The following AP3B2 variants were observed in gnomAD, a reference collection of about 807,000 sequenced individuals.
The protein encoded by AP3B2 is adaptor related protein complex 3 subunit beta 2, also known as AP-3 complex subunit beta-2.
In AP3B2, 50 loss-of-function variants were observed where a neutral mutation model predicts 126.9. That is an observed-to-expected ratio of 0.39 (90% CI 0.31 to 0.50). The LOEUF (loss-of-function observed/expected upper bound fraction) is 0.50. Among genes scored for constraint, AP3B2 ranks in the 20% least tolerant of loss-of-function variants. The pLI is 0.79. For synonymous variants in AP3B2, 541 were observed against 565.0 expected (o/e 0.96, Z 0.60); for missense variants, 1,177 against 1,426.4 (o/e 0.83, Z 2.82).
chr15:82,660,796 CCCCGTCT>C (rs931133535), intron 25 of AP3B2, among the ~76,000 whole-genome samples: 1 of 152,194 alleles, frequency 6.6e-6, no homozygotes, highest in African/African-American at 2.4e-5. Flanking sequence ...GTTCAAGTGT[CCCCGTCT>C]CCAAAAAATC....
At position 82,681,236 on chromosome 15, in the gene AP3B2, C is replaced by G; in HGVS notation, c.522-58G>C. 6.4e-7 allele frequency: 1 copy of G among 1,566,406 alleles called. No homozygotes were observed. The highest frequency in any genetic ancestry group is 8.7e-7 in the Non-Finnish European group (1 of 1,152,882). On this transcript the variant is annotated intron_variant, in intron 5 of 26. Coordinates refer to ENST00000535359, the MANE Select transcript of AP3B2 (RefSeq NM_001278512.2). This position sits in a 1 kb window ranked among gnomAD's most constrained non-coding sequence, Gnocchi z 4.0. ...CTCTCAGCCCCAGCCTTCCCAATATCTGTCCAAGCCATGCTCACCTCCTGC... is the reference window on the plus strand; with the variant it reads ...CTCTCAGCCCCAGCCTTCCCAATATGTGTCCAAGCCATGCTCACCTCCTGC...
Position 82,665,560 on chromosome 15 carries a change from TG to T in AP3B2, c.1867del (p.Gln623SerfsTer172). Reference sequence around the variant, plus strand: ...AAGCAGGTGGGACAGTGAGCCCAGCTGGAAGTGGTCCCGGTCTAGGGATAGG... The same window carrying T: ...AAGCAGGTGGGACAGTGAGCCCAGCTGAAGTGGTCCCGGTCTAGGGATAGG... ...ESSFKDRDHF[Q>X]LGSLSHLLNA... On this transcript the variant is annotated frameshift_variant, in exon 16 of 27. Coordinates refer to ENST00000535359, the MANE Select transcript of AP3B2 (RefSeq NM_001278512.2). LOFTEE classifies it high-confidence loss of function. This position sits in a 1 kb window ranked among gnomAD's most constrained non-coding sequence, Gnocchi z 4.4. 1.2e-6 allele frequency: 2 copies of T among 1,613,782 alleles called. No individual in the cohort carries two copies. Among genetic ancestry groups the T allele is most frequent in the Non-Finnish European group, 1.7e-6 (2 of 1,179,768 alleles).
At chr15:82,706,149 C>CA (rs2048792244) in intron 1 of AP3B2, among the ~76,000 whole-genome samples, 1 of 152,178 alleles carries the variant, frequency 6.6e-6, no homozygotes, top group Non-Finnish European at 1.5e-5. Flanking sequence ...CAGAGGCCCT[C>CA]AAAATCACAA....
chr15:82,681,043 G>A lies in AP3B2; in HGVS notation c.589-24C>T. 1 of 1,613,508 alleles carries A rather than the reference G, an allele frequency of 6.2e-7. No individual in the cohort carries two copies. The highest frequency in any genetic ancestry group is 2.2e-5 in the East Asian group (1 of 44,870). Reference sequence around the variant, plus strand: ...AGCTGGGGAAAGAACAAAGACGAGAGGGTGAACGCGAAGGGTGGAAGGCCG... The same window carrying A: ...AGCTGGGGAAAGAACAAAGACGAGAAGGTGAACGCGAAGGGTGGAAGGCCG... On this transcript the variant is annotated intron_variant, in intron 6 of 26. Transcript: ENST00000535359. This position sits in a 1 kb window ranked among gnomAD's most constrained non-coding sequence, Gnocchi z 4.0.
At position 82,665,806 on chromosome 15, in the gene AP3B2, G is replaced by A. The variant is rs1366612790; in HGVS notation, c.1853-231C>T. Among the ~76,000 whole-genome samples, 1 of 152,194 alleles carries A rather than the reference G, an allele frequency of 6.6e-6. No individual in the cohort carries two copies. The highest frequency in any genetic ancestry group is 1.5e-5 in the Non-Finnish European group (1 of 68,024). ...GAGCAGGGACTGAGGGCCAGGGAAA[G>A]GCAGCCTACAGAGGTGGGCAGGAGG... On this transcript the variant is annotated intron_variant, in intron 15 of 26. Coordinates refer to ENST00000535359, the MANE Select transcript of AP3B2 (RefSeq NM_001278512.2). This position sits in a 1 kb window ranked among gnomAD's most constrained non-coding sequence, Gnocchi z 4.4.
intron 1 of AP3B2, chr15:82,692,806 G>A (rs1190850390): frequency 6.6e-6 from 1 of 151,924 alleles, no homozygotes; most frequent in African/African-American, 2.4e-5. Context: ...GATGAATAAA[G>A]ATTTGAGTAA....
At chr15:82,668,980 A>G (rs771194491) in intron 14 of AP3B2, among the ~76,000 whole-genome samples, 2 of 152,248 alleles carry the variant, frequency 1.3e-5, no homozygotes, top group African/African-American at 2.4e-5. Flanking sequence ...ATTGAAATAT[A>G]TCCTCAATTC....
chr15:82,683,052 T>TTG (rs2048369683), intron 4 of AP3B2, among the ~76,000 whole-genome samples: 1 of 74,300 alleles, frequency 1.3e-5, no homozygotes, highest in Non-Finnish European at 2.3e-5. Flanking sequence ...CAGGAGTTTT[T>TTG]TTTTTTTTTT....
chr15:82,676,581 G>T lies in AP3B2; in HGVS notation c.1545C>A (p.Val515=). Reference sequence around the variant, plus strand: ...TTAAGACATCAGGTGCAATCCTGGGGACATGCTCACAGTACTCTCCGATGA... The same window carrying T: ...TTAAGACATCAGGTGCAATCCTGGGTACATGCTCACAGTACTCTCCGATGA... ...LWLIGEYCEH[V]PRIAPDVLRK... The change falls in exon 14 of 27, where the codon GTC becomes GTA. Residue 515 remains valine, a synonymous_variant. Coordinates refer to ENST00000535359, the MANE Select transcript of AP3B2 (RefSeq NM_001278512.2). 2 of 1,614,004 alleles carry T rather than the reference G, an allele frequency of 1.2e-6. No homozygotes were observed. The highest frequency in any genetic ancestry group is 1.7e-6 in the Non-Finnish European group (2 of 1,179,896).
At position 82,677,548 on chromosome 15, in the gene AP3B2, A is replaced by C. The variant is rs547425797; in HGVS notation, c.1378+123T>G. On this transcript the variant is annotated intron_variant, in intron 12 of 26. Coordinates refer to ENST00000535359, the MANE Select transcript of AP3B2 (RefSeq NM_001278512.2). ...GGAACACTTGGGCCCTGATCAAGAC[A>C]GACAGACCAATGGATACACATTGTG... is the stretch of plus-strand genomic sequence containing the variant. The C allele has an allele frequency of 8.5e-5, 121 of 1,415,354 alleles. No homozygotes were observed. In the East Asian group the frequency reaches 2.7e-3, roughly 32 times the overall value. 87.7% of individuals were successfully genotyped at this position (1,415,354 alleles called of 1,614,324 possible). A position where few individuals can be genotyped will look rare whatever the true frequency, so the allele number is the denominator to read the frequency against.
intron 1 of AP3B2, chr15:82,692,184 T>A: frequency 6.9e-7 from 1 of 1,450,720 alleles, no homozygotes. Flanking sequence ...ATAAATAGCA[T>A]CCTCTGCATC....
At chr15:82,663,424 C>G in intron 21 of AP3B2, 136 bp downstream of exon 21, 1 of 1,145,194 alleles carries the variant, frequency 8.7e-7, no homozygotes, top group Non-Finnish European at 1.3e-6. Flanking sequence ...GCTGCCCTCT[C>G]AGGCCTGAAG....
rs558038356 is a variant in AP3B2, at chr15:82,689,874, G to A, written c.114-421C>T. 5 of 170,834 alleles carry A rather than the reference G, an allele frequency of 2.9e-5. No individual in the cohort carries two copies. In the South Asian group the frequency reaches 7.6e-4, roughly 26 times the overall value. 10.6% of individuals were successfully genotyped at this position (170,834 alleles called of 1,614,324 possible). A position where few individuals can be genotyped will look rare whatever the true frequency, so the allele number is the denominator to read the frequency against. ...TCCCAGCACTTTGGGAAGCTGAGAC[G>A]GGAGGATCACTTGAGCCCTGGAGTT... On this transcript the variant is annotated intron_variant, in intron 1 of 26. Coordinates refer to ENST00000535359, the MANE Select transcript of AP3B2 (RefSeq NM_001278512.2).
At chr15:82,670,308 C>A (rs2048135362) in intron 14 of AP3B2, among the ~76,000 whole-genome samples, 1 of 152,064 alleles carries the variant, frequency 6.6e-6, no homozygotes, top group Admixed American at 6.5e-5. Flanking sequence ...CAGGGTTTCG[C>A]CATGCTGGCC....
At position 82,709,616 on chromosome 15, in the gene AP3B2, T is replaced by C; in HGVS notation, c.91A>G (p.Ile31Val). 1 of 1,513,772 alleles carries C rather than the reference T, an allele frequency of 6.6e-7. No homozygotes were observed. Among genetic ancestry groups the C allele is most frequent in the Non-Finnish European group, 8.8e-7 (1 of 1,132,862 alleles). 93.8% of individuals were successfully genotyped at this position (1,513,772 alleles called of 1,614,324 possible). ...CACCGCTTGTAGTCGGAGGAGAAGATGCCGCCGCTCGCGGGGTCGTGGCCG... is the reference window on the plus strand; with the variant it reads ...CACCGCTTGTAGTCGGAGGAGAAGACGCCGCCGCTCGCGGGGTCGTGGCCG... The part of the protein sequence containing the change: ...EYGHDPASGG[I>V]FSSDYKRHDD... The change falls in exon 1 of 27, where the codon ATC (isoleucine) becomes GTC (valine). Residue 31 changes from isoleucine to valine, a missense_variant. By Grantham distance (29) the Ile-to-Val change is conservative. Around this residue, in one of 5 missense-constraint regions of AP3B2, gnomAD observed 130 missense variants for 262.0 expected, o/e 0.50. Coordinates refer to ENST00000535359, the MANE Select transcript of AP3B2 (RefSeq NM_001278512.2).
In AP3B2 at chr15:82,662,701, G is replaced by T; in HGVS notation, c.2826C>A (p.Pro942=). The stretch of plus-strand genomic sequence containing the variant: ...ATCCAAAGCCCTTCGCACCAATTTC[G>T]GGAAATTCTTGGATGCTGATGCCAG... ...LPAGISIQEF[P]EIESLAPGES... Residue 942 remains proline, a synonymous_variant, in exon 23 of 27, where the codon CCC becomes CCA. Transcript: ENST00000535359. 6.2e-7 allele frequency: 1 copy of T among 1,612,454 alleles called. No individual in the cohort carries two copies. Among genetic ancestry groups the T allele is most frequent in the Non-Finnish European group, 8.5e-7 (1 of 1,179,200 alleles).
chr15:82,676,356 A>C (rs1459438570), intron 14 of AP3B2, 105 bp downstream of exon 14: 8 of 1,239,704 alleles, frequency 6.5e-6, no homozygotes, highest in Non-Finnish European at 8.9e-6. Flanking sequence ...CTTCTTTTCC[A>C]AAATAGGAGC....
At chr15:82,696,285 T>C (rs1386520941) in intron 1 of AP3B2, among the ~76,000 whole-genome samples, 1 of 152,066 alleles carries the variant, frequency 6.6e-6, no homozygotes, top group Non-Finnish European at 1.5e-5. Flanking sequence ...AAGTTTAATA[T>C]TCGAAATAGA....
At chr15:82,701,443 T>C (rs1204647037) in intron 1 of AP3B2, among the ~76,000 whole-genome samples, 1 of 152,268 alleles carries the variant, frequency 6.6e-6, no homozygotes, top group African/African-American at 2.4e-5. Context: ...AATAACAAAA[T>C]AGACAAACTT....
Sources: gnomAD v4.1 joint callset for allele counts (sites outside exome capture counted in the v4.1 genomes callset) on GRCh38, gnomAD v4.1.1 for gene constraint, gnomAD v4.1.1 regional missense constraint, Gnocchi (gnomAD v3.1) non-coding constraint, MANE v1.5 for transcripts, NCBI Gene and HGNC (gene_info 2026-07-23, HGNC 2026-07-21) for gene names.